The following GTF2I variants were observed in gnomAD, a reference collection of about 807,000 sequenced individuals.
GTF2I encodes general transcription factor II-I.
GTF2I carries 12 observed loss-of-function variants against 67.6 expected under a neutral mutation model. That is an observed-to-expected ratio of 0.18 (90% CI 0.11 to 0.29). The LOEUF is 0.29. Ranked by LOEUF, GTF2I falls within the 10% of genes least tolerant of loss-of-function variation. The pLI is 1.00. For missense variants in GTF2I, 271 were observed against 580.1 expected (o/e 0.47, Z 5.47); for synonymous variants, 149 against 197.0 (o/e 0.76, Z 2.04).
intron 12 of GTF2I, among the ~76,000 whole-genome samples, chr7:74,721,407 T>C (rs1392225551): frequency 6.6e-6 from 1 of 152,186 alleles, no homozygotes; most frequent in African/African-American, 2.4e-5. Context: ...TGTGATTAAG[T>C]AGTAGAATTT....
Position 74,689,115 on chromosome 7 carries a change from C to G in GTF2I, c.-5-9C>G. On this transcript the variant is annotated splice_polypyrimidine_tract_variant and intron_variant, in intron 1 of 34. Coordinates refer to ENST00000573035, the MANE Select transcript of GTF2I (RefSeq NM_032999.4). ...TACCACTCACTTTCTTCTTACTTCT[C>G]CTGCACAGGGATCATGGCCCAAGTT... 2 of 1,554,726 alleles carry G rather than the reference C, an allele frequency of 1.3e-6. No individual in the cohort carries two copies. Among genetic ancestry groups the G allele is most frequent in the South Asian group, 2.2e-5 (2 of 89,770 alleles).
intron 3 of GTF2I, among the ~76,000 whole-genome samples, chr7:74,698,281 G>A (rs1789214485): frequency 6.6e-6 from 1 of 151,670 alleles, no homozygotes; most frequent in South Asian, 2.1e-4. Context: ...AGTAGAGACG[G>A]TGGTTTCATC....
intron 6 of GTF2I, among the ~76,000 whole-genome samples, chr7:74,703,723 A>T (rs587748476): frequency 6.6e-6 from 1 of 152,330 alleles, no homozygotes; most frequent in Admixed American, 6.5e-5. Flanking sequence ...CCATTGCGTA[A>T]ACCCAAAGGC....
At chr7:74,702,620 C>T (rs1471706697) in intron 6 of GTF2I, among the ~76,000 whole-genome samples, 1 of 152,172 alleles carries the variant, frequency 6.6e-6, no homozygotes, top group Non-Finnish European at 1.5e-5. Flanking sequence ...ACATTGCTGC[C>T]AACTTACTTC....
intron 1 of GTF2I, among the ~76,000 whole-genome samples, chr7:74,682,390 A>T (rs112946314): frequency 5.9e-5 from 9 of 152,212 alleles, no homozygotes; most frequent in Non-Finnish European, 1.3e-4. Flanking sequence ...TGGGAACTCA[A>T]TTGACAGAAG....
intron 7 of GTF2I, among the ~76,000 whole-genome samples, chr7:74,705,905 T>A (rs1790605689): frequency 6.6e-6 from 1 of 151,804 alleles, no homozygotes; most frequent in Non-Finnish European, 1.5e-5. Context: ...TTTATTGTAC[T>A]TTTTTCCCCA....
At chr7:74,724,131 A>T (rs755207630) in intron 12 of GTF2I, among the ~76,000 whole-genome samples, 23 of 152,090 alleles carry the variant, frequency 1.5e-4, no homozygotes, top group Non-Finnish European at 2.4e-4. Flanking sequence ...TTTGTTTTAA[A>T]TTTTTTTTAT....
intron 6 of GTF2I, among the ~76,000 whole-genome samples, chr7:74,703,908 C>G (rs1790200520): frequency 6.6e-6 from 1 of 152,212 alleles, no homozygotes; most frequent in South Asian, 2.1e-4. Flanking sequence ...AAAAGACCGT[C>G]CTTTCCCTCA....
intron 10 of GTF2I, chr7:74,716,601 T>G (rs587758217): frequency 2.2e-5 from 6 of 270,668 alleles, no homozygotes; most frequent in Non-Finnish European, 4.3e-5. Flanking sequence ...TTCCTCAGAT[T>G]CCAATATCTA....
intron 1 of GTF2I, among the ~76,000 whole-genome samples, chr7:74,658,375 G>A (rs1316211198): frequency 4.1e-5 from 6 of 146,402 alleles, no homozygotes; most frequent in African/African-American, 1.2e-4. Flanking sequence ...GCCTCAGTGC[G>A]CGTGGGGGAG....
chr7:74,725,415 G>T (rs587757977), intron 12 of GTF2I, among the ~76,000 whole-genome samples: 2 of 151,982 alleles, frequency 1.3e-5, no homozygotes, highest in Non-Finnish European at 2.9e-5. Context: ...AGCTGGGTGC[G>T]GTGGCTCACA....
intron 1 of GTF2I, among the ~76,000 whole-genome samples, chr7:74,660,621 CTT>C (rs35605839): frequency 1.6e-5 from 2 of 124,534 alleles, no homozygotes; most frequent in Non-Finnish European, 3.2e-5. Flanking sequence ...CTTTTCTTTT[CTT>C]TTTTTTTTTT....
In GTF2I at chr7:74,691,020, G is replaced by A. The variant is rs144420417; in HGVS notation, c.147G>A (p.Val49=). Residue 49 remains valine (V), a synonymous_variant, in exon 3 of 35, where the codon GTG becomes GTA. Coordinates refer to ENST00000573035, the MANE Select transcript of GTF2I (RefSeq NM_032999.4). ...KSKAEVACIA[V]YETDVFVVGT... ...AAGCCGAAGTGGCCTGCATTGCAGTGTATGAAACAGACGTGTTTGTCGTCG... is the reference window on the plus strand; with the variant it reads ...AAGCCGAAGTGGCCTGCATTGCAGTATATGAAACAGACGTGTTTGTCGTCG... 3.1e-6 allele frequency: 5 copies of A among 1,613,302 alleles called. No individual in the cohort carries two copies. In the South Asian group the frequency reaches 4.4e-5, roughly 14 times the overall value.
intron 7 of GTF2I, 91 bp from the exon 8 acceptor site, chr7:74,706,299 A>G (rs1358051411): frequency 1.2e-5 from 13 of 1,042,288 alleles, no homozygotes; most frequent in Admixed American, 7.3e-5. Flanking sequence ...CAAGGGAGGG[A>G]TCTTAACACT....
chr7:74,658,249 C>T (rs1382760249), intron 1 of GTF2I, among the ~76,000 whole-genome samples, 181 bp downstream of exon 1: 10 of 150,124 alleles, frequency 6.7e-5, no homozygotes, highest in Non-Finnish European at 1.2e-4. Context: ...CCCCTACCCC[C>T]ACCCCCACCG....
intron 12 of GTF2I, among the ~76,000 whole-genome samples, chr7:74,723,623 G>T (rs1584284259): frequency 6.6e-6 from 1 of 151,190 alleles, no homozygotes; most frequent in Non-Finnish European, 1.5e-5. Flanking sequence ...ACAGACAGGG[G>T]TTTCACCATG....
intron 12 of GTF2I, among the ~76,000 whole-genome samples, chr7:74,725,531 T>TAAA (rs34123125): frequency 6.8e-6 from 1 of 146,466 alleles, no homozygotes. Flanking sequence ...CTACAAAAGT[T>TAAA]AAAAAAAAAA....
chr7:74,678,051 G>GTC (rs1180507419), intron 1 of GTF2I, among the ~76,000 whole-genome samples: 31 of 149,994 alleles, frequency 2.1e-4, no homozygotes, highest in South Asian at 6.3e-4. Context: ...ATTTCTGTCT[G>GTC]TCTCTCTCTC....
Position 74,698,389 on chromosome 7 carries a change from C to CT in GTF2I, c.239-545dup, listed in dbSNP as rs67968753. On this transcript the variant is annotated intron_variant, in intron 3 of 34. Transcript: ENST00000573035. The stretch of plus-strand genomic sequence containing the variant: ...ACAGGTGTGAGCCACCGCACCTGGC[C>CT]TTTTTTTTTTTTTTTTTTTTTTTTT... Among the ~76,000 whole-genome samples the CT allele has an allele frequency of 8.8e-3, 493 of 55,914 alleles. 15 individuals are homozygous for CT. Among genetic ancestry groups the CT allele is most frequent in the Middle Eastern group, 0.014 (1 of 72 alleles). The allele number at this position is 55,914 out of a possible 152,430, so 36.7% of individuals were successfully genotyped here. A position where few individuals can be genotyped will look rare whatever the true frequency, so the allele number is the denominator to read the frequency against.
Sources: gnomAD v4.1 joint callset for allele counts (sites outside exome capture counted in the v4.1 genomes callset) on GRCh38, gnomAD v4.1.1 for gene constraint, MANE v1.5 for transcripts, NCBI Gene and HGNC (gene_info 2026-07-23, HGNC 2026-07-21) for gene names.